Variants in TOX observed in about 807,000 individuals in gnomAD.
TOX encodes thymocyte selection-associated high mobility group box protein TOX.
A neutral mutation model predicts 53.7 loss-of-function variants in TOX; 11 were observed. That is an observed-to-expected ratio of 0.20 (90% CI 0.13 to 0.34). The LOEUF (loss-of-function observed/expected upper bound fraction) is 0.34. Among genes scored for constraint, TOX ranks in the 10% least tolerant of loss-of-function variants. The pLI is 1.00. For synonymous variants in TOX, 225 were observed against 245.3 expected, an observed-to-expected ratio of 0.92 and a Z score of 0.77; for missense variants, 570 against 664.6, an observed-to-expected ratio of 0.86 and a Z score of 1.56.
intron 1 of TOX, among the ~76,000 whole-genome samples, chr8:59,021,845 T>C (rs917871987): frequency 1.4e-4 from 21 of 152,258 alleles, no homozygotes; most frequent in South Asian, 4.1e-4. Flanking sequence ...CCTGAAACTT[T>C]CTATTAAATT....
chr8:58,886,671 TAA>T (rs941500628), intron 3 of TOX, among the ~76,000 whole-genome samples: 2 of 152,088 alleles, frequency 1.3e-5, no homozygotes, highest in African/African-American at 4.8e-5. Flanking sequence ...TTCTTTATAC[TAA>T]GTTTCTATTT....
intron 1 of TOX, among the ~76,000 whole-genome samples, chr8:59,049,459 T>C (rs1019555422): frequency 7.9e-5 from 12 of 152,192 alleles, no homozygotes; most frequent in Non-Finnish European, 1.3e-4. Context: ...TTGTATTTTT[T>C]AATATAGATT....
At chr8:59,114,952 C>T (rs1423068383) in intron 1 of TOX, among the ~76,000 whole-genome samples, 1 of 152,114 alleles carries the variant, frequency 6.6e-6, no homozygotes, top group Non-Finnish European at 1.5e-5. Flanking sequence ...CATTTTCAAG[C>T]AGAGTTCATC....
intron 4 of TOX, among the ~76,000 whole-genome samples, chr8:58,845,146 G>T (rs1810701555): frequency 6.6e-6 from 1 of 152,092 alleles, no homozygotes; most frequent in Non-Finnish European, 1.5e-5. Context: ...ACGTCTATAA[G>T]CATATTTAAA....
At chr8:59,104,765 C>G (rs569451493) in intron 1 of TOX, among the ~76,000 whole-genome samples, 1 of 152,140 alleles carries the variant, frequency 6.6e-6, no homozygotes, top group Non-Finnish European at 1.5e-5. Flanking sequence ...TTAGGAGTAA[C>G]TTTCCCCTTC....
intron 7 of TOX, among the ~76,000 whole-genome samples, chr8:58,809,570 C>T (rs1810043031): frequency 6.6e-6 from 1 of 152,220 alleles, no homozygotes; most frequent in Non-Finnish European, 1.5e-5. Flanking sequence ...GGAGACAAAT[C>T]ACTGAAAAAT....
intron 1 of TOX, among the ~76,000 whole-genome samples, chr8:59,032,172 G>T (rs1302396183): frequency 1.3e-5 from 2 of 152,170 alleles, no homozygotes; most frequent in Non-Finnish European, 2.9e-5. Flanking sequence ...AAGGAGAAGT[G>T]ATGTGAGATT....
intron 1 of TOX, among the ~76,000 whole-genome samples, chr8:58,983,561 T>G (rs1477788265): frequency 6.6e-6 from 1 of 152,262 alleles, no homozygotes; most frequent in Admixed American, 6.5e-5. Flanking sequence ...ACATCTACGA[T>G]GGTTGTTAAA....
intron 1 of TOX, among the ~76,000 whole-genome samples, chr8:59,076,477 A>AT (rs1242407958): frequency 7.9e-5 from 12 of 152,248 alleles, no homozygotes; most frequent in Middle Eastern, 3.4e-3. Context: ...TAACTACTTA[A>AT]TTTTTTTTAA....
intron 1 of TOX, among the ~76,000 whole-genome samples, chr8:59,094,201 T>C (rs917244580): frequency 6.6e-6 from 1 of 152,196 alleles, no homozygotes; most frequent in African/African-American, 2.4e-5. Flanking sequence ...AGATACACAC[T>C]AAACTATTGG....
chr8:58,930,207 C>T (rs546976131), intron 3 of TOX, among the ~76,000 whole-genome samples: 1 of 152,182 alleles, frequency 6.6e-6, no homozygotes, highest in South Asian at 2.1e-4. Flanking sequence ...AAGTGTCAGC[C>T]CAAAAAGCAA....
chr8:58,929,086 G>T (rs1812215148), intron 3 of TOX, among the ~76,000 whole-genome samples: 1 of 152,008 alleles, frequency 6.6e-6, no homozygotes, highest in Admixed American at 6.6e-5. Flanking sequence ...ATTACAAAAA[G>T]AAGTTTAATC....
At chr8:58,942,002 G>A (rs2129176759) in intron 2 of TOX, among the ~76,000 whole-genome samples, 1 of 149,550 alleles carries the variant, frequency 6.7e-6, no homozygotes, top group Middle Eastern at 3.5e-3. Context: ...GCGGTGAGCT[G>A]AGAGCGTGCC....
intron 2 of TOX, among the ~76,000 whole-genome samples, chr8:58,945,512 A>G (rs1812510719): frequency 6.6e-6 from 1 of 152,098 alleles, no homozygotes; most frequent in Non-Finnish European, 1.5e-5. Flanking sequence ...GAAACTTCTC[A>G]CCTGATTCTG....
At chr8:58,956,286 C>T (rs905174475) in intron 2 of TOX, among the ~76,000 whole-genome samples, 7 of 152,082 alleles carry the variant, frequency 4.6e-5, no homozygotes, top group African/African-American at 1.7e-4. Flanking sequence ...GAAGTTTTAT[C>T]GGGAGATAAG....
chr8:59,020,020 A>C (rs1814093350), intron 1 of TOX, among the ~76,000 whole-genome samples: 1 of 152,210 alleles, frequency 6.6e-6, no homozygotes, highest in Non-Finnish European at 1.5e-5. Context: ...TTGTAAAATG[A>C]ATGAACAAAT....
chr8:58,927,123 G>A (rs973795678), intron 3 of TOX, among the ~76,000 whole-genome samples: 5 of 151,764 alleles, frequency 3.3e-5, no homozygotes, highest in South Asian at 2.1e-4. Context: ...CACCCAGCCA[G>A]GATTTCAAGC....
intron 8 of TOX, 82 bp from the exon 9 acceptor site, chr8:58,807,865 A>G (rs1204767797): frequency 8.3e-6 from 13 of 1,559,482 alleles, no homozygotes; most frequent in Non-Finnish European, 1.1e-5. Flanking sequence ...ATGTCTTTGA[A>G]TTATTTGCTC....
intron 1 of TOX, among the ~76,000 whole-genome samples, chr8:59,078,664 G>T (rs1294244343): frequency 1.3e-5 from 2 of 152,130 alleles, no homozygotes; most frequent in African/African-American, 4.8e-5. Context: ...AGCAATGCAA[G>T]AACAGCCTAA....
Sources: allele counts gnomAD v4.1 joint callset (sites outside exome capture counted in the v4.1 genomes callset), GRCh38; gene constraint gnomAD v4.1.1; transcripts MANE v1.5; gene names NCBI Gene and HGNC (gene_info 2026-07-23, HGNC 2026-07-21).